NRG1: variants seen among roughly 807,000 people sequenced by gnomAD.
The protein encoded by NRG1 is neuregulin 1.
In NRG1, 18 loss-of-function variants were observed where a neutral mutation model predicts 63.8. The ratio of observed to expected loss-of-function variants is 0.28; its 90% confidence interval spans 0.19 to 0.42. The LOEUF is 0.42. NRG1 is among the 10% of genes least tolerant of loss of function. The pLI is 1.00. For missense variants in NRG1, 762 were observed against 814.7 expected (o/e 0.94, Z 0.79); for synonymous variants, 302 against 301.3 (o/e 1.00, Z -0.02).
intron 1 of NRG1, among the ~76,000 whole-genome samples, chr8:32,331,023 G>A (rs1802577677): frequency 6.6e-6 from 1 of 151,904 alleles, no homozygotes; most frequent in South Asian, 2.1e-4. Flanking sequence ...TAGTATGAGA[G>A]TTTCTATTAG....
At chr8:32,288,805 T>C (rs1853851420) in intron 1 of NRG1, among the ~76,000 whole-genome samples, 1 of 152,168 alleles carries the variant, frequency 6.6e-6, no homozygotes, top group African/African-American at 2.4e-5. Flanking sequence ...TAGTAACAGC[T>C]TGAATCACTC....
intron 1 of NRG1, among the ~76,000 whole-genome samples, chr8:32,231,872 G>T (rs1846987633): frequency 6.7e-6 from 1 of 150,026 alleles, no homozygotes; most frequent in African/African-American, 2.5e-5. Context: ...TCCAGCCTGG[G>T]CAACAGATCA....
chr8:32,000,095 G>T lies in NRG1; in HGVS notation c.37+360664G>T, dbSNP rs1812674831. On this transcript the variant is annotated intron_variant, in intron 1 of 10. Transcript: ENST00000519301. ...GATGGGGCAGAAGGTAGCTATGAAA[G>T]GTTTGCAGAAGTCAGATTGTCAGTT... 2.0e-5 allele frequency among the ~76,000 whole-genome samples: 3 copies of T among 152,012 alleles called. No homozygotes were observed. In the South Asian group the frequency reaches 6.2e-4, roughly 31 times the overall value.
intron 1 of NRG1, among the ~76,000 whole-genome samples, chr8:31,735,051 G>GA (rs1156783565): frequency 3.3e-5 from 5 of 151,846 alleles, no homozygotes; most frequent in Admixed American, 6.6e-5. Context: ...ATGGCCTTCT[G>GA]AAAAAAAATG....
chr8:32,699,481 C>A (rs902271720), intron 5 of NRG1, among the ~76,000 whole-genome samples: 1 of 152,134 alleles, frequency 6.6e-6, no homozygotes, highest in African/African-American at 2.4e-5. Flanking sequence ...CAATAGAGAA[C>A]GTTTAATGAA....
At chr8:32,145,486 T>G (rs146524987) in intron 1 of NRG1, among the ~76,000 whole-genome samples, 2,976 of 152,330 alleles carry the variant, frequency 0.02, 48 homozygotes, top group Middle Eastern at 0.065. Flanking sequence ...ACATATGCCC[T>G]TTTCTGTGAT....
At chr8:31,770,566 A>G (rs533463612) in intron 1 of NRG1, among the ~76,000 whole-genome samples, 15 of 146,356 alleles carry the variant, frequency 1.0e-4, no homozygotes, top group African/African-American at 3.7e-4. Flanking sequence ...GAATTGAACA[A>G]TGAGAACACT....
chr8:32,268,157 A>G (rs1251200170), intron 1 of NRG1, among the ~76,000 whole-genome samples: 1 of 152,178 alleles, frequency 6.6e-6, no homozygotes, highest in African/African-American at 2.4e-5. Context: ...GAATTCTGCC[A>G]ACAATCTGAA....
At chr8:32,356,837 A>C (rs1806499282) in intron 1 of NRG1, among the ~76,000 whole-genome samples, 1 of 152,152 alleles carries the variant, frequency 6.6e-6, no homozygotes, top group African/African-American at 2.4e-5. Flanking sequence ...TAAAATGAAG[A>C]GACTAAAACC....
At chr8:31,709,498 T>C (rs933892471) in intron 1 of NRG1, among the ~76,000 whole-genome samples, 2 of 152,120 alleles carry the variant, frequency 1.3e-5, no homozygotes. Flanking sequence ...TTAAAATTTT[T>C]CCTTGTTCTG....
chr8:32,225,899 C>G (rs1846268083), intron 1 of NRG1, among the ~76,000 whole-genome samples: 1 of 152,132 alleles, frequency 6.6e-6, no homozygotes, highest in Non-Finnish European at 1.5e-5. Context: ...ACCTCCTAGT[C>G]TTCCTACCTT....
chr8:32,334,351 G>A (rs1355736370), intron 1 of NRG1, among the ~76,000 whole-genome samples: 1 of 152,176 alleles, frequency 6.6e-6, no homozygotes, highest in Non-Finnish European at 1.5e-5. Flanking sequence ...TAATCTGAGA[G>A]CTCTGACACT....
intron 1 of NRG1, among the ~76,000 whole-genome samples, chr8:32,033,422 G>A (rs545225320): frequency 2.6e-4 from 39 of 152,218 alleles, no homozygotes; most frequent in African/African-American, 7.9e-4. Flanking sequence ...GATAGTCTTG[G>A]CTGTATGAGC....
intron 1 of NRG1, among the ~76,000 whole-genome samples, chr8:31,852,364 G>A (rs1375421589): frequency 2.0e-5 from 3 of 151,596 alleles, no homozygotes; most frequent in African/African-American, 7.3e-5. Flanking sequence ...GGCCAGTGAT[G>A]GTGAGCATTT....
chr8:32,372,086 T>A (rs1808963245), intron 1 of NRG1, among the ~76,000 whole-genome samples: 2 of 147,352 alleles, frequency 1.4e-5, no homozygotes, highest in South Asian at 4.4e-4. Context: ...CCTCCCAGGC[T>A]CAAGCAATCC....
chr8:32,192,645 T>C (rs757364765), intron 1 of NRG1, among the ~76,000 whole-genome samples: 2 of 152,062 alleles, frequency 1.3e-5, no homozygotes, highest in Non-Finnish European at 2.9e-5. Flanking sequence ...TGCTCGGTAG[T>C]TGGGTAATGG....
rs189878176 is a variant in NRG1, at chr8:32,175,300, A to C, written c.38-420528A>C. ...TCAACAACTCTTCATGCTAAAAACT[A>C]TCAATAAATTAGGTATTGATGGGAC... On this transcript the variant is annotated intron_variant, in intron 1 of 10. Coordinates refer to the NRG1 transcript ENST00000519301. Among the ~76,000 whole-genome samples, 51 of 152,306 alleles carry C rather than the reference A, an allele frequency of 3.3e-4. No homozygotes were observed. In the East Asian group the frequency reaches 8.7e-3, roughly 26 times the overall value.
intron 1 of NRG1, among the ~76,000 whole-genome samples, chr8:32,253,130 G>A (rs1192335068): frequency 6.6e-6 from 1 of 152,170 alleles, no homozygotes; most frequent in Non-Finnish European, 1.5e-5. Context: ...GTACAATCAT[G>A]TCATCTACAA....
chr8:32,595,943 G>A (rs1355604254), exon 2 of NRG1: 3 of 1,613,702 alleles, frequency 1.9e-6, no homozygotes, highest in Non-Finnish European at 2.5e-6. Context: ...AGTGGTTCAA[G>A]AATGGGAATG....
Sources: allele counts gnomAD v4.1 joint callset (sites outside exome capture counted in the v4.1 genomes callset), GRCh38; gene constraint gnomAD v4.1.1; transcripts MANE v1.5; gene names NCBI Gene and HGNC (gene_info 2026-07-23, HGNC 2026-07-21).